CSMD3: variants seen among roughly 807,000 people sequenced by gnomAD.
CSMD3 encodes the protein CUB and Sushi multiple domains 3.
Under a neutral mutation model 435.2 loss-of-function variants are expected in CSMD3, and 177 were observed. The ratio of observed to expected loss-of-function variants is 0.41; its 90% CI spans 0.36 to 0.46. The LOEUF (loss-of-function observed/expected upper bound fraction) is 0.46, where lower values mean the gene tolerates loss of function less well. Among genes scored for constraint, CSMD3 ranks in the 20% least tolerant of loss-of-function variants. CSMD3 has a pLI of 0.34. For missense variants in CSMD3, 4,265 were observed against 4,504.6 expected (o/e 0.95, Z 1.52); for synonymous variants, 1,656 against 1,520.5 (o/e 1.09, Z -2.07).
chr8:112,850,309 A>T (rs1423314678), intron 11 of CSMD3, among the ~76,000 whole-genome samples: 1 of 152,166 alleles, frequency 6.6e-6, no homozygotes, highest in African/African-American at 2.4e-5. Flanking sequence ...CTTATTAAAA[A>T]TTTACTTATA....
At chr8:112,502,798 C>T (rs946697494) in intron 30 of CSMD3, among the ~76,000 whole-genome samples, 1 of 151,970 alleles carries the variant, frequency 6.6e-6, no homozygotes. Flanking sequence ...AAATATTAAA[C>T]AAAAGGTGGT....
intron 13 of CSMD3, among the ~76,000 whole-genome samples, chr8:112,795,489 TATAA>T: frequency 6.6e-6 from 1 of 152,250 alleles, no homozygotes; most frequent in South Asian, 2.1e-4. Context: ...AATGTTCAAA[TATAA>T]ATTCACTGCC....
At position 112,306,982 on chromosome 8, in the gene CSMD3, A is replaced by AT. The variant is rs576424459; in HGVS notation, c.7886-791dup. 1.2e-3 allele frequency among the ~76,000 whole-genome samples: 186 copies of AT among 151,728 alleles called. 1 individual carries two copies. Among genetic ancestry groups the AT allele is most frequent in the African/African-American group, 4.1e-3 (169 of 41,364 alleles). ...GCTACAGAAAAATCCCCTAAAATTG[A>AT]TTTTTTACCATTTTTGCCCTATTAA... On this transcript the variant is annotated intron_variant, in intron 50 of 70. Coordinates refer to ENST00000297405, the MANE Select transcript of CSMD3 (RefSeq NM_198123.2).
chr8:113,065,465 C>T (rs917998953), intron 5 of CSMD3, among the ~76,000 whole-genome samples: 3 of 152,100 alleles, frequency 2.0e-5, no homozygotes, highest in East Asian at 1.9e-4. Context: ...CGGTTCACTG[C>T]CAGCTCCGCC....
chr8:113,297,903 A>G (rs1454192481), intron 2 of CSMD3, among the ~76,000 whole-genome samples: 1 of 152,110 alleles, frequency 6.6e-6, no homozygotes, highest in African/African-American at 2.4e-5. Context: ...AAAATATCAA[A>G]TTTCTGCTTT....
At chr8:112,532,449 G>A (rs550758737) in intron 27 of CSMD3, among the ~76,000 whole-genome samples, 64 of 152,116 alleles carry the variant, frequency 4.2e-4, no homozygotes, top group African/African-American at 1.5e-3. Flanking sequence ...AGGACAAAGA[G>A]GATTCTACAA....
At chr8:112,731,869 A>G (rs2077082336) in intron 13 of CSMD3, among the ~76,000 whole-genome samples, 1 of 152,148 alleles carries the variant, frequency 6.6e-6, no homozygotes, top group South Asian at 2.1e-4. Context: ...AAAACTGTCA[A>G]TTTTGAAAGA....
chr8:112,820,619 T>C (rs1266278058), intron 12 of CSMD3, among the ~76,000 whole-genome samples: 2 of 151,732 alleles, frequency 1.3e-5, no homozygotes, highest in East Asian at 1.9e-4. Flanking sequence ...CTAAAAGGTA[T>C]TGGTTGTGGA....
chr8:112,844,332 CAT>C (rs1564017234), intron 11 of CSMD3, among the ~76,000 whole-genome samples: 1 of 151,902 alleles, frequency 6.6e-6, no homozygotes, highest in Non-Finnish European at 1.5e-5. Flanking sequence ...CAGAGGTTGT[CAT>C]ATCTTTCCAA....
chr8:113,417,741 A>G (rs965889999), intron 1 of CSMD3, among the ~76,000 whole-genome samples: 1 of 152,038 alleles, frequency 6.6e-6, no homozygotes, highest in Non-Finnish European at 1.5e-5. Context: ...AGTCTTCAAG[A>G]TACATTTCAA....
intron 27 of CSMD3, 60 bp from the exon 28 acceptor site, chr8:112,517,285 T>A: frequency 8.2e-7 from 1 of 1,216,358 alleles, no homozygotes; most frequent in South Asian, 1.3e-5. Context: ...ATTTCATATA[T>A]CCCTGTGTTT....
At chr8:112,661,817 T>TA (rs2075387012) in intron 17 of CSMD3, among the ~76,000 whole-genome samples, 2 of 151,820 alleles carry the variant, frequency 1.3e-5, no homozygotes, top group African/African-American at 4.8e-5. Flanking sequence ...TGCTGTTTGA[T>TA]AAAAAATAAT....
chr8:112,422,674 G>A (rs1367379784), intron 32 of CSMD3, among the ~76,000 whole-genome samples: 1 of 152,070 alleles, frequency 6.6e-6, no homozygotes, highest in East Asian at 1.9e-4. Flanking sequence ...GTAGGTAGAC[G>A]AAACAGAAAA....
At chr8:112,799,240 G>C (rs945751457) in intron 13 of CSMD3, among the ~76,000 whole-genome samples, 2 of 111,064 alleles carry the variant, frequency 1.8e-5, no homozygotes, top group Non-Finnish European at 3.7e-5. Flanking sequence ...AATGTGTTCT[G>C]TCTCTCTGAC....
chr8:113,076,318 T>G (rs1426463246), intron 5 of CSMD3, among the ~76,000 whole-genome samples: 15 of 151,878 alleles, frequency 9.9e-5, no homozygotes, highest in Non-Finnish European at 1.5e-5. Flanking sequence ...TTGCTGCCAC[T>G]GTCAAGGGCA....
chr8:112,615,800 G>A lies in CSMD3; in HGVS notation c.3715+21017C>T, dbSNP rs1038809453. Among the ~76,000 whole-genome samples, 10 of 152,112 alleles carry A rather than the reference G, an allele frequency of 6.6e-5. 1 individual carries two copies. The highest frequency in any genetic ancestry group is 4.2e-4 in the South Asian group (2 of 4,816). ...TATAGCCAAAATGTAACAAAGGAAC[G>A]GTGAAAATAGTATATTCTATTACAG... On this transcript the variant is annotated intron_variant, in intron 22 of 70. Transcript: ENST00000297405.
chr8:113,149,731 C>A (rs1190258834), intron 4 of CSMD3, among the ~76,000 whole-genome samples: 2 of 151,830 alleles, frequency 1.3e-5, no homozygotes, highest in East Asian at 3.9e-4. Context: ...GAGGAAACTC[C>A]TTTGGTAATA....
intron 1 of CSMD3, among the ~76,000 whole-genome samples, chr8:113,321,589 T>C (rs370516533): frequency 5.3e-5 from 8 of 152,284 alleles, no homozygotes; most frequent in African/African-American, 1.9e-4. Flanking sequence ...TTCCTAAGTC[T>C]TTCAAAAATT....
At chr8:112,950,845 A>G (rs2130812269) in intron 8 of CSMD3, among the ~76,000 whole-genome samples, 1 of 152,084 alleles carries the variant, frequency 6.6e-6, no homozygotes, top group South Asian at 2.1e-4. Context: ...ATTAACTACA[A>G]TTCAAAACAC....
Sources: gnomAD v4.1 joint callset for allele counts (sites outside exome capture counted in the v4.1 genomes callset) on GRCh38, gnomAD v4.1.1 for gene constraint, MANE v1.5 for transcripts, NCBI Gene and HGNC (gene_info 2026-07-23, HGNC 2026-07-21) for gene names.